Variants in CCND3 observed in about 807,000 individuals in gnomAD.
CCND3 encodes cyclin D3.
CCND3 carries 9 observed loss-of-function variants against 28.7 expected under a neutral mutation model. The ratio of observed to expected loss-of-function variants is 0.31; its 90% confidence interval spans 0.19 to 0.55. The LOEUF (loss-of-function observed/expected upper bound fraction) is 0.55. Among genes scored for constraint, CCND3 ranks in the 20% least tolerant of loss-of-function variants. The pLI, the probability that CCND3 is intolerant of heterozygous loss-of-function variation, is 0.93. For missense variants in CCND3, 315 were observed against 385.8 expected, an observed-to-expected ratio of 0.82 and a Z score of 1.54; for synonymous variants, 164 against 163.9, an observed-to-expected ratio of 1.00 and a Z score of 0.00.
chr6:41,984,432 C>T (rs1023330322), intron 1 of CCND3, among the ~76,000 whole-genome samples: 2 of 152,124 alleles, frequency 1.3e-5, no homozygotes, highest in Non-Finnish European at 2.9e-5. Context: ...CTGCAACCTC[C>T]GCCCCCCAGG....
At chr6:42,026,221 G>A (rs1402822187) in intron 1 of CCND3, among the ~76,000 whole-genome samples, 1 of 152,080 alleles carries the variant, frequency 6.6e-6, no homozygotes, top group African/African-American at 2.4e-5. Flanking sequence ...ACCTCTCTAA[G>A]GGATGGAGAC....
intron 1 of CCND3, among the ~76,000 whole-genome samples, chr6:42,034,151 T>TC (rs1764127034): frequency 6.6e-6 from 1 of 150,828 alleles, no homozygotes; most frequent in South Asian, 2.1e-4. Context: ...CCCTGTCTTT[T>TC]TTTTTTTTTT....
At chr6:41,976,910 G>T (rs1429738954) in intron 1 of CCND3, among the ~76,000 whole-genome samples, 1 of 152,148 alleles carries the variant, frequency 6.6e-6, no homozygotes, top group African/African-American at 2.4e-5. Context: ...GCTGCTGTTT[G>T]TTCAGGGTCA....
chr6:42,013,567 A>G (rs1763401665), intron 1 of CCND3, among the ~76,000 whole-genome samples: 1 of 152,222 alleles, frequency 6.6e-6, no homozygotes, highest in African/African-American at 2.4e-5. Context: ...CTGTATTTCT[A>G]TAATTTATTT....
rs1246203005 is a variant in CCND3, at chr6:41,985,553, A to G, written c.-45-44968T>C. On this transcript the variant is annotated intron_variant, in intron 1 of 4. Coordinates refer to the CCND3 transcript ENST00000372988. ...TGGTCTCGGACTCCTGACCTTAGGT[A>G]ATCCACCCGCCTCGGCCTCCCAGAG... Among the ~76,000 whole-genome samples, 716 of 150,906 alleles carry G rather than the reference A, an allele frequency of 4.7e-3. 4 individuals are homozygous for G. The highest frequency in any genetic ancestry group is 7.8e-3 in the Non-Finnish European group (527 of 67,496).
intron 1 of CCND3, among the ~76,000 whole-genome samples, chr6:41,955,076 A>C (rs544488638): frequency 6.6e-6 from 1 of 152,334 alleles, no homozygotes; most frequent in African/African-American, 2.4e-5. Flanking sequence ...TACTATCACT[A>C]CTTTCTCTAC....
chr6:41,950,235 G>A (rs1776270509), intron 1 of CCND3, among the ~76,000 whole-genome samples: 1 of 151,980 alleles, frequency 6.6e-6, no homozygotes, highest in African/African-American at 2.4e-5. Flanking sequence ...AGACTGAGGT[G>A]CACACAGGGC....
intron 1 of CCND3, among the ~76,000 whole-genome samples, chr6:41,983,892 T>C (rs1256098860): frequency 1.3e-5 from 2 of 152,020 alleles, no homozygotes; most frequent in Non-Finnish European, 2.9e-5. Flanking sequence ...GTACAATAGA[T>C]CTCTGAATCT....
chr6:41,997,860 A>C (rs1762855727), intron 1 of CCND3, among the ~76,000 whole-genome samples: 1 of 152,018 alleles, frequency 6.6e-6, no homozygotes, highest in Non-Finnish European at 1.5e-5. Context: ...TTCAGGTAAC[A>C]GCCAGGCACA....
At chr6:41,944,182 A>T (rs975600485), upstream of CCND3, among the ~76,000 whole-genome samples, 38 of 152,104 alleles carry the variant, frequency 2.5e-4, no homozygotes, top group African/African-American at 8.4e-4. Context: ...AAATAAAAAA[A>T]AAAAATAAGC....
rs60814983 is a variant in CCND3 at position 41,971,416 on chromosome 6, C to T, written c.-45-30831G>A. On this transcript the variant is annotated intron_variant, in intron 1 of 4. Transcript: ENST00000372988. ...AGTAGCTGGGACTACAGGTACCTGC[C>T]ACTGAGCCTGGCTCCAAGATGATAA... Among the ~76,000 whole-genome samples, 1,486 of 152,206 alleles carry T rather than the reference C, an allele frequency of 9.8e-3. 29 individuals carry two copies. Among genetic ancestry groups the T allele is most frequent in the African/African-American group, 0.034 (1,422 of 41,522 alleles).
chr6:41,969,186 T>A (rs1761967833), intron 1 of CCND3, among the ~76,000 whole-genome samples: 1 of 151,642 alleles, frequency 6.6e-6, no homozygotes, highest in Non-Finnish European at 1.5e-5. Flanking sequence ...CCCAGCACTT[T>A]GGGAGGCTGA....
intron 1 of CCND3, among the ~76,000 whole-genome samples, chr6:42,006,897 G>A (rs1249335958): frequency 2.7e-5 from 4 of 148,190 alleles, no homozygotes; most frequent in Non-Finnish European, 5.9e-5. Context: ...GACAGAGCAA[G>A]ACTCTGTCTC....
At chr6:42,045,055 T>C (rs1764502668) in intron 1 of CCND3, among the ~76,000 whole-genome samples, 1 of 151,524 alleles carries the variant, frequency 6.6e-6, no homozygotes, top group Non-Finnish European at 1.5e-5. Context: ...CCGCCCACCT[T>C]GGCCTCCCAA....
At chr6:42,020,563 A>C (rs991568788) in intron 1 of CCND3, among the ~76,000 whole-genome samples, 10 of 152,004 alleles carry the variant, frequency 6.6e-5, no homozygotes, top group African/African-American at 2.4e-4. Flanking sequence ...CATGGCTCCC[A>C]CCCTGCCCTT....
At chr6:42,026,809 C>G (rs540684931) in intron 1 of CCND3, among the ~76,000 whole-genome samples, 1 of 152,310 alleles carries the variant, frequency 6.6e-6, no homozygotes, top group South Asian at 2.1e-4. Flanking sequence ...TCACTTTCCT[C>G]CCTCCCCACT....
Position 41,966,483 on chromosome 6 carries a change from A to G in CCND3, c.-45-25898T>C, listed in dbSNP as rs1761890253. ...AGAACTGAAAATCAGAATCTTAGGC[A>G]TGGAGCCCAGGTTCTATATGTTTAT... On this transcript the variant is annotated intron_variant, in intron 1 of 4. Transcript: ENST00000372988. 2.6e-5 allele frequency among the ~76,000 whole-genome samples: 4 copies of G among 152,240 alleles called. No homozygotes were observed. In the South Asian group the frequency reaches 8.3e-4, roughly 32 times the overall value.
rs543050471 is a variant in CCND3, at chr6:41,935,838, C to T, written c.*102G>A. The T allele has an allele frequency of 3.9e-4, 444 of 1,127,344 alleles. No individual in the cohort carries two copies. Among genetic ancestry groups the T allele is most frequent in the Non-Finnish European group, 5.3e-4 (410 of 770,220 alleles). 69.8% of individuals were successfully genotyped at this position (1,127,344 alleles called of 1,614,324 possible). On this transcript the variant is annotated 3_prime_UTR_variant, in exon 5 of 5. Coordinates refer to ENST00000372991, the MANE Select transcript of CCND3 (RefSeq NM_001760.5). ...TTGGGCTTTGTGAAGGGGGAACAGA[C>T]GCCCCTTCAGGCTTAGATGTGGTGT... is the stretch of plus-strand genomic sequence containing the variant.
At chr6:42,016,026 C>T (rs894601190) in intron 1 of CCND3, among the ~76,000 whole-genome samples, 10 of 151,828 alleles carry the variant, frequency 6.6e-5, no homozygotes, top group Non-Finnish European at 1.0e-4. Context: ...GCAGCCTCTG[C>T]CTCCCAGGTT....
Sources: gnomAD v4.1 joint callset for allele counts (sites outside exome capture counted in the v4.1 genomes callset) on GRCh38, gnomAD v4.1.1 for gene constraint, MANE v1.5 for transcripts, NCBI Gene and HGNC (gene_info 2026-07-23, HGNC 2026-07-21) for gene names.